SCHIP1: variants seen among roughly 807,000 people sequenced by gnomAD.
SCHIP1 encodes schwannomin interacting protein 1.
Under a neutral mutation model 29.7 loss-of-function variants are expected in SCHIP1, and 8 were observed. That is an observed-to-expected ratio of 0.27 (90% CI 0.16 to 0.49). The LOEUF is 0.49. Among genes scored for constraint, SCHIP1 ranks in the 20% least tolerant of loss-of-function variants. SCHIP1 has a pLI of 0.99. For synonymous variants in SCHIP1, 76 were observed against 94.9 expected (o/e 0.80, Z 1.16); for missense variants, 193 against 294.6 (o/e 0.66, Z 2.52).
the SCHIP1 span, among the ~76,000 whole-genome samples, chr3:159,669,561 T>C: frequency 6.6e-6 from 1 of 152,236 alleles, no homozygotes; most frequent in Non-Finnish European, 1.5e-5. Context: ...ACAGATTTTA[T>C]GCACAGATCT....
At chr3:159,697,352 G>A in the SCHIP1 span, among the ~76,000 whole-genome samples, 4 of 152,144 alleles carry the variant, frequency 2.6e-5, no homozygotes, top group African/African-American at 9.7e-5. Context: ...GGAGAGAGGA[G>A]CAGTTTTGAC....
chr3:159,813,518 C>T, the SCHIP1 span, among the ~76,000 whole-genome samples: 1 of 151,906 alleles, frequency 6.6e-6, no homozygotes, highest in Non-Finnish European at 1.5e-5. Flanking sequence ...TGGGGAGACC[C>T]CGTCTCTACA....
the SCHIP1 span, among the ~76,000 whole-genome samples, chr3:159,449,533 C>T: frequency 1.3e-5 from 2 of 152,030 alleles, no homozygotes; most frequent in African/African-American, 2.4e-5. Flanking sequence ...TCTTTTCAGT[C>T]ATACATCATA....
At chr3:159,414,298 G>T in the SCHIP1 span, among the ~76,000 whole-genome samples, 1 of 152,166 alleles carries the variant, frequency 6.6e-6, no homozygotes, top group Non-Finnish European at 1.5e-5. Context: ...TCAACATTAT[G>T]CCATGACTTA....
At chr3:159,305,234 G>A in the SCHIP1 span, among the ~76,000 whole-genome samples, 2 of 152,090 alleles carry the variant, frequency 1.3e-5, no homozygotes, top group African/African-American at 4.8e-5. Context: ...CACAAATGTG[G>A]CCTCCCATCC....
At chr3:159,786,252 A>G in the SCHIP1 span, among the ~76,000 whole-genome samples, 1 of 152,242 alleles carries the variant, frequency 6.6e-6, no homozygotes, top group African/African-American at 2.4e-5. Flanking sequence ...CAGCAAATAT[A>G]GCAATCTAAA....
At chr3:159,426,110 C>T in the SCHIP1 span, among the ~76,000 whole-genome samples, 1 of 151,866 alleles carries the variant, frequency 6.6e-6, no homozygotes, top group Non-Finnish European at 1.5e-5. Flanking sequence ...AAAATTGACA[C>T]CCTAACATCA....
the SCHIP1 span, among the ~76,000 whole-genome samples, chr3:159,796,183 T>C: frequency 6.6e-6 from 1 of 152,084 alleles, no homozygotes; most frequent in East Asian, 1.9e-4. Context: ...AAGAGGTTTG[T>C]TGGGGAGTGG....
intron 1 of SCHIP1, among the ~76,000 whole-genome samples, chr3:159,864,486 C>A (rs555315648): frequency 1.1e-4 from 17 of 151,210 alleles, no homozygotes; most frequent in Admixed American, 3.3e-4. Context: ...CACACACACA[C>A]ACACACACAC....
At chr3:159,838,281 TA>T (rs775773569), upstream of SCHIP1, among the ~76,000 whole-genome samples, 5 of 152,336 alleles carry the variant, frequency 3.3e-5, no homozygotes, top group Non-Finnish European at 5.9e-5. Flanking sequence ...GATAAGTTAT[TA>T]AAATTACATT....
At chr3:159,281,231 G>T in the SCHIP1 span, among the ~76,000 whole-genome samples, 1 of 152,170 alleles carries the variant, frequency 6.6e-6, no homozygotes, top group Non-Finnish European at 1.5e-5. Context: ...TTCATTTTGG[G>T]ATTTTGGAAG....
At chr3:159,801,414 G>A in the SCHIP1 span, among the ~76,000 whole-genome samples, 2 of 152,136 alleles carry the variant, frequency 1.3e-5, no homozygotes, top group African/African-American at 4.8e-5. Context: ...CAGTATATAT[G>A]AGTACATAAT....
chr3:159,772,984 G>A, the SCHIP1 span, among the ~76,000 whole-genome samples: 7 of 151,940 alleles, frequency 4.6e-5, no homozygotes, highest in Admixed American at 2.0e-4. Flanking sequence ...CAAGTGATCC[G>A]CCTGCCTCAG....
chr3:159,550,322 TTAAGA>T, the SCHIP1 span, among the ~76,000 whole-genome samples: 2 of 152,112 alleles, frequency 1.3e-5, no homozygotes, highest in Admixed American at 6.5e-5. Context: ...AATGAAGTTA[TTAAGA>T]TATCACACTA....
the SCHIP1 span, among the ~76,000 whole-genome samples, chr3:159,568,566 T>G: frequency 6.6e-6 from 1 of 152,146 alleles, no homozygotes; most frequent in Non-Finnish European, 1.5e-5. Flanking sequence ...CAAGATAAAT[T>G]TAACTGTCTT....
the SCHIP1 span, among the ~76,000 whole-genome samples, chr3:159,544,913 T>G: frequency 1.3e-5 from 2 of 152,112 alleles, no homozygotes; most frequent in Non-Finnish European, 2.9e-5. Context: ...AAGAAATCTT[T>G]GCCTACTTCA....
chr3:159,591,617 C>A, the SCHIP1 span, among the ~76,000 whole-genome samples: 38 of 152,064 alleles, frequency 2.5e-4, no homozygotes, highest in African/African-American at 8.4e-4. Flanking sequence ...TGTCCTTTTC[C>A]GGGACATGGA....
chr3:159,493,299 A>T, the SCHIP1 span, among the ~76,000 whole-genome samples: 2 of 152,248 alleles, frequency 1.3e-5, no homozygotes, highest in Admixed American at 1.3e-4. Context: ...TAAAAAGCAC[A>T]TACTGGCAAA....
intron 2 of SCHIP1, among the ~76,000 whole-genome samples, chr3:159,882,780 C>T (rs1305869293): frequency 6.6e-6 from 1 of 152,172 alleles, no homozygotes; most frequent in African/African-American, 2.4e-5. Flanking sequence ...TCCCTGGTAA[C>T]AGTAGTTGGA....
Sources: allele counts gnomAD v4.1 joint callset (sites outside exome capture counted in the v4.1 genomes callset), GRCh38; gene constraint gnomAD v4.1.1; transcripts MANE v1.5; gene names NCBI Gene and HGNC (gene_info 2026-07-23, HGNC 2026-07-21).